Variants in PARD3 observed in about 807,000 individuals in gnomAD.
PARD3 encodes the protein par-3 family cell polarity regulator.
Under a neutral mutation model 155.4 loss-of-function variants are expected in PARD3, and 75 were observed. The ratio of observed to expected loss-of-function variants is 0.48; its 90% CI spans 0.40 to 0.58. PARD3 has a LOEUF of 0.58. Among genes scored for constraint, PARD3 ranks in the 20% least tolerant of loss-of-function variants. The probability of loss-of-function intolerance (pLI) is 0.00; values close to 1 mark genes in which losing one functional copy is unlikely to be tolerated. For synonymous variants in PARD3, 576 were observed against 610.5 expected, an observed-to-expected ratio of 0.94 and a Z score of 0.83; for missense variants, 1,642 against 1,721.7, an observed-to-expected ratio of 0.95 and a Z score of 0.82.
intron 2 of PARD3, among the ~76,000 whole-genome samples, chr10:34,637,108 C>T (rs371251736): frequency 6.6e-6 from 1 of 152,126 alleles, no homozygotes; most frequent in African/African-American, 2.4e-5. Context: ...TTAAGTGGTC[C>T]GGTTTAGTGC....
intron 2 of PARD3, among the ~76,000 whole-genome samples, chr10:34,695,011 TG>T (rs1171499417): frequency 8.5e-5 from 13 of 152,114 alleles, no homozygotes; most frequent in Non-Finnish European, 1.6e-4. Context: ...AGTGAATATC[TG>T]GGTGATCTTA....
chr10:34,696,917 C>T (rs1255096417), intron 1 of PARD3, among the ~76,000 whole-genome samples: 1 of 151,722 alleles, frequency 6.6e-6, no homozygotes, highest in African/African-American at 2.4e-5. Context: ...AAGATAGGGA[C>T]ACAGAAGGAT....
At chr10:34,471,143 AAAATACTC>A (rs1415628757) in intron 3 of PARD3, among the ~76,000 whole-genome samples, 1 of 152,230 alleles carries the variant, frequency 6.6e-6, no homozygotes, top group East Asian at 1.9e-4. Context: ...CTTAAGACAG[AAAATACTC>A]AAAGTAATAT....
At chr10:34,378,449 A>G (rs1841477113) in intron 9 of PARD3, among the ~76,000 whole-genome samples, 1 of 152,218 alleles carries the variant, frequency 6.6e-6, no homozygotes, top group Admixed American at 6.5e-5. Flanking sequence ...AACTTCTGTT[A>G]AGACCCACAG....
intron 12 of PARD3, among the ~76,000 whole-genome samples, chr10:34,365,173 C>T (rs1354376019): frequency 1.3e-5 from 2 of 152,032 alleles, no homozygotes; most frequent in Admixed American, 6.6e-5. Flanking sequence ...ATATGGCCTA[C>T]AAAAATAGTT....
At chr10:34,129,437 G>A (rs1947469618) in intron 23 of PARD3, among the ~76,000 whole-genome samples, 1 of 152,194 alleles carries the variant, frequency 6.6e-6, no homozygotes, top group Admixed American at 6.5e-5. Flanking sequence ...ACAGGCACAA[G>A]CCATTGTGCC....
intron 1 of PARD3, among the ~76,000 whole-genome samples, chr10:34,717,096 G>C (rs2094533344): frequency 6.6e-6 from 1 of 152,126 alleles, no homozygotes; most frequent in South Asian, 2.1e-4. Context: ...CAGATAAATT[G>C]TGTGCAGCTG....
At chr10:34,420,529 A>T (rs1381209678) in intron 5 of PARD3, among the ~76,000 whole-genome samples, 1 of 152,192 alleles carries the variant, frequency 6.6e-6, no homozygotes, top group Non-Finnish European at 1.5e-5. Flanking sequence ...CTATGTTTGC[A>T]TCCACACAAG....
intron 5 of PARD3, among the ~76,000 whole-genome samples, chr10:34,406,555 C>G (rs1053509395): frequency 5.3e-5 from 8 of 152,126 alleles, no homozygotes; most frequent in African/African-American, 1.9e-4. Context: ...TTTCATTCCC[C>G]TTTAGTTTTT....
intron 3 of PARD3, among the ~76,000 whole-genome samples, chr10:34,511,015 T>C (rs924519989): frequency 3.3e-5 from 5 of 152,188 alleles, no homozygotes; most frequent in African/African-American, 1.2e-4. Context: ...GATCCAGACA[T>C]TATGATTGGA....
At chr10:34,632,363 T>A (rs972757712) in intron 2 of PARD3, among the ~76,000 whole-genome samples, 1 of 152,086 alleles carries the variant, frequency 6.6e-6, no homozygotes, top group African/African-American at 2.4e-5. Flanking sequence ...TCCAGCCCCA[T>A]CCTCTGCGCT....
intron 5 of PARD3, among the ~76,000 whole-genome samples, chr10:34,411,954 GTGTGTGTGTA>G (rs757529901): frequency 1.6e-5 from 2 of 122,920 alleles, no homozygotes; most frequent in Non-Finnish European, 3.5e-5. Context: ...GTGTGTGTGT[GTGTGTGTGTA>G]TTTCCTCCTT....
At chr10:34,718,147 C>T (rs1195044137) in intron 1 of PARD3, among the ~76,000 whole-genome samples, 1 of 98,148 alleles carries the variant, frequency 1.0e-5, no homozygotes, top group African/African-American at 4.3e-5. Flanking sequence ...GAGACTCCAT[C>T]TCAAAAAAAA....
intron 1 of PARD3, among the ~76,000 whole-genome samples, chr10:34,728,536 A>G (rs2133796032): frequency 6.6e-6 from 1 of 152,260 alleles, no homozygotes; most frequent in Non-Finnish European, 1.5e-5. Context: ...ATGCACCTCA[A>G]AGTACTCTCC....
chr10:34,658,133 A>G (rs1287408532), intron 2 of PARD3, among the ~76,000 whole-genome samples: 1 of 151,226 alleles, frequency 6.6e-6, no homozygotes, highest in East Asian at 2.0e-4. Flanking sequence ...GCGACAGATC[A>G]AGACTCCGTC....
At chr10:34,374,804 A>G in intron 11 of PARD3, 70 bp downstream of exon 11, 1 of 1,444,466 alleles carries the variant, frequency 6.9e-7, no homozygotes, top group South Asian at 1.3e-5. Flanking sequence ...AACATTTGCC[A>G]TCAGGCAACT....
At chr10:34,178,366 C>T (rs1428130149) in intron 22 of PARD3, among the ~76,000 whole-genome samples, 1 of 152,182 alleles carries the variant, frequency 6.6e-6, no homozygotes, top group African/African-American at 2.4e-5. Flanking sequence ...GGGATCAAGT[C>T]AGCTTGGTCA....
intron 2 of PARD3, among the ~76,000 whole-genome samples, chr10:34,635,723 G>A (rs1048900678): frequency 2.6e-5 from 4 of 152,220 alleles, no homozygotes; most frequent in Non-Finnish European, 5.9e-5. Context: ...GATGTAGGAA[G>A]AGAAAAGAAC....
chr10:34,283,050 T>C (rs1174892545), intron 21 of PARD3, among the ~76,000 whole-genome samples: 1 of 152,062 alleles, frequency 6.6e-6, no homozygotes, highest in Non-Finnish European at 1.5e-5. Flanking sequence ...AACCATTCTA[T>C]TCAAGAAAAA....
Sources: allele counts gnomAD v4.1 joint callset (sites outside exome capture counted in the v4.1 genomes callset), GRCh38; gene constraint gnomAD v4.1.1; transcripts MANE v1.5; gene names NCBI Gene and HGNC (gene_info 2026-07-23, HGNC 2026-07-21).